NINJ1: variants seen among roughly 807,000 people sequenced by gnomAD.
NINJ1 encodes the protein ninjurin-1.
NINJ1 carries 6 observed loss-of-function variants against 12.7 expected under a neutral mutation model. The ratio of observed to expected loss-of-function variants is 0.47; its 90% CI spans 0.26 to 0.93. The LOEUF (loss-of-function observed/expected upper bound fraction) is 0.93. Among genes scored for constraint, NINJ1 ranks in the 40% least tolerant of loss-of-function variants. The pLI, the probability that NINJ1 is intolerant of heterozygous loss-of-function variation, is 0.15. For missense variants in NINJ1, 170 were observed against 213.0 expected, an observed-to-expected ratio of 0.80 and a Z score of 1.26; for synonymous variants, 100 against 96.0, an observed-to-expected ratio of 1.04 and a Z score of -0.25.
chr9:93,128,826 C>G (rs1373950656), intron 1 of NINJ1, among the ~76,000 whole-genome samples: 1 of 152,016 alleles, frequency 6.6e-6, no homozygotes, highest in Non-Finnish European at 1.5e-5. Flanking sequence ...CACACATCCC[C>G]CAGAAAGACA....
intron 3 of NINJ1, among the ~76,000 whole-genome samples, chr9:93,124,682 C>T (rs1273684564): frequency 6.6e-6 from 1 of 152,156 alleles, no homozygotes; most frequent in African/African-American, 2.4e-5. Context: ...CACATTCCAT[C>T]TAAACACTGT....
chr9:93,130,238 C>A (rs1827871853), intron 1 of NINJ1, among the ~76,000 whole-genome samples: 3 of 152,130 alleles, frequency 2.0e-5, no homozygotes. Context: ...CCTCATGCAA[C>A]CTTCTGTGGA....
chr9:93,123,498 G>T (rs530747577), intron 3 of NINJ1, among the ~76,000 whole-genome samples: 2 of 152,318 alleles, frequency 1.3e-5, no homozygotes, highest in Admixed American at 6.5e-5. Flanking sequence ...TGGTCAGGCT[G>T]GTCTCAAGCT....
At chr9:93,131,382 G>A (rs750980718) in intron 1 of NINJ1, 4 of 152,238 alleles carry the variant, frequency 2.6e-5, no homozygotes, top group Non-Finnish European at 5.9e-5. Context: ...CCGGCCTCAG[G>A]ATCTGCCAGG....
intron 3 of NINJ1, among the ~76,000 whole-genome samples, chr9:93,124,265 G>A (rs1564218283): frequency 6.6e-6 from 1 of 152,180 alleles, no homozygotes; most frequent in Non-Finnish European, 1.5e-5. Context: ...AAGAGAAGCC[G>A]GAAATCTTTG....
chr9:93,126,192 G>C, intron 2 of NINJ1: 1 of 549,260 alleles, frequency 1.8e-6, no homozygotes, highest in Non-Finnish European at 3.2e-6. Context: ...GGGGGACCTT[G>C]TTTCAAAAAA....
intron 1 of NINJ1, 38 bp from the exon 2 acceptor site, chr9:93,126,676 A>AGG (rs761838237): frequency 4.1e-6 from 4 of 965,084 alleles, no homozygotes; most frequent in Non-Finnish European, 6.0e-6. Context: ...CGGGTGGGGG[A>AGG]GGGGGGCAAG....
chr9:93,123,077 C>T lies in NINJ1; in HGVS notation c.*10-847G>A, dbSNP rs529438277. On this transcript the variant is annotated intron_variant, in intron 3 of 3. Transcript: ENST00000375446. ...CTTTCAGGAGGGTGACTTCAGGCTC[C>T]ACGGCCGGGACATTGGGGGCTGGCG... Among the ~76,000 whole-genome samples, 3 of 152,340 alleles carry T rather than the reference C, an allele frequency of 2.0e-5. No homozygotes were observed. In the South Asian group the frequency reaches 6.2e-4, roughly 32 times the overall value.
chr9:93,126,973 T>G (rs1827823590), intron 1 of NINJ1, among the ~76,000 whole-genome samples: 1 of 151,820 alleles, frequency 6.6e-6, no homozygotes, highest in South Asian at 2.1e-4. Context: ...CCCCTACCGG[T>G]CTGTGCCCCC....
intron 2 of NINJ1, chr9:93,125,889 G>T (rs1827803654): frequency 6.4e-6 from 1 of 157,334 alleles, no homozygotes; most frequent in Admixed American, 6.3e-5. Flanking sequence ...GCAAGACCCG[G>T]TTTCAAAAAC....
chr9:93,121,550 G>A lies in NINJ1; in HGVS notation c.*690C>T, dbSNP rs1023238860. On this transcript the variant is annotated 3_prime_UTR_variant, in exon 4 of 4. Transcript: ENST00000375446. ...TGTTCATTCATGATTAGAAAAGTGG[G>A]TGCTGGGACCCCCGTGGAGGGGGTT... is the stretch of plus-strand genomic sequence containing the variant. The A allele has an allele frequency of 6.6e-6, 1 of 152,476 alleles. No homozygotes were observed. The highest frequency in any genetic ancestry group is 2.4e-5 in the African/African-American group (1 of 41,474). The allele number at this position is 152,476 out of a possible 1,614,324, so 9.4% of individuals were successfully genotyped here.
intron 2 of NINJ1, chr9:93,125,828 C>T (rs1827802926): frequency 6.5e-6 from 1 of 153,500 alleles, no homozygotes; most frequent in Non-Finnish European, 1.5e-5. Context: ...AGGCAGAAGG[C>T]TCGCTTGAGC....
At chr9:93,134,031 T>A (rs1343224860) in intron 1 of NINJ1, 112 bp downstream of exon 1, 1 of 750,268 alleles carries the variant, frequency 1.3e-6, no homozygotes, top group Non-Finnish European at 2.0e-6. Flanking sequence ...GAGCGGGACG[T>A]CCCCCAACAC....
intron 1 of NINJ1, among the ~76,000 whole-genome samples, chr9:93,133,404 A>G (rs1165557874): frequency 6.6e-6 from 1 of 152,260 alleles, no homozygotes; most frequent in African/African-American, 2.4e-5. Flanking sequence ...CCAGAGGGCC[A>G]TGCCAGGACC....
chr9:93,124,332 T>A (rs940960527), intron 3 of NINJ1, among the ~76,000 whole-genome samples: 3 of 152,180 alleles, frequency 2.0e-5, no homozygotes, highest in African/African-American at 7.2e-5. Context: ...TGGAGTGCAG[T>A]AGTACGATCT....
At chr9:93,123,309 G>T (rs756604163) in intron 3 of NINJ1, among the ~76,000 whole-genome samples, 3 of 152,024 alleles carry the variant, frequency 2.0e-5, no homozygotes, top group Non-Finnish European at 2.9e-5. Context: ...TCCCGAGATG[G>T]AGTCTCATAC....
intron 1 of NINJ1, among the ~76,000 whole-genome samples, chr9:93,129,123 GTGCCCCTGC>G (rs1827854201): frequency 6.6e-6 from 1 of 152,202 alleles, no homozygotes; most frequent in Non-Finnish European, 1.5e-5. Flanking sequence ...CGAGGAGCCT[GTGCCCCTGC>G]TGTCCTCATG....
At chr9:93,123,506 G>A (rs545371708) in intron 3 of NINJ1, among the ~76,000 whole-genome samples, 2 of 152,288 alleles carry the variant, frequency 1.3e-5, no homozygotes, top group East Asian at 3.9e-4. Flanking sequence ...CTGGTCTCAA[G>A]CTCCCGACCT....
chr9:93,128,754 T>A (rs1827848115), intron 1 of NINJ1, among the ~76,000 whole-genome samples: 1 of 151,572 alleles, frequency 6.6e-6, no homozygotes, highest in African/African-American at 2.4e-5. Context: ...CCGTGAGGAT[T>A]TCCACCTTCT....
Sources: gnomAD v4.1 joint callset for allele counts (sites outside exome capture counted in the v4.1 genomes callset) on GRCh38, gnomAD v4.1.1 for gene constraint, MANE v1.5 for transcripts, NCBI Gene and HGNC (gene_info 2026-07-23, HGNC 2026-07-21) for gene names.